Variants in MTMR14 observed in about 807,000 individuals in gnomAD.
MTMR14 encodes the protein phosphatidylinositol-3,5-bisphosphate 3-phosphatase MTMR14.
In MTMR14, 48 loss-of-function variants were observed where a neutral mutation model predicts 86.3. The observed-to-expected ratio is 0.56, with a 90% confidence interval of 0.44 to 0.71. MTMR14 has a LOEUF of 0.71. MTMR14 is among the 30% of genes least tolerant of loss of function. The pLI is 0.00. For missense variants in MTMR14, 780 were observed against 834.6 expected, an observed-to-expected ratio of 0.93 and a Z score of 0.81; for synonymous variants, 366 against 326.1, an observed-to-expected ratio of 1.12 and a Z score of -1.32.
intron 17 of MTMR14, 47 bp downstream of exon 17, chr3:9,690,190 C>T (rs759307689): frequency 1.2e-6 from 2 of 1,603,154 alleles, no homozygotes; most frequent in South Asian, 2.2e-5. Flanking sequence ...TAGCTTTCCC[C>T]CTTAATAAGA....
chr3:9,684,516 T>C (rs2075870993), intron 10 of MTMR14, 69 bp from the exon 11 acceptor site: 1 of 1,494,046 alleles, frequency 6.7e-7, no homozygotes, highest in African/African-American at 1.4e-5. Context: ...GCCAAGCTGG[T>C]GGTACTTCCT....
At chr3:9,688,208 G>A (rs1438816778) in intron 14 of MTMR14, among the ~76,000 whole-genome samples, 1 of 152,212 alleles carries the variant, frequency 6.6e-6, no homozygotes, top group African/African-American at 2.4e-5. Context: ...CCAGGAGTAG[G>A]AGGACTCTTA....
At chr3:9,692,396 G>A (rs1432676816) in intron 17 of MTMR14, among the ~76,000 whole-genome samples, 1 of 152,246 alleles carries the variant, frequency 6.6e-6, no homozygotes, top group Admixed American at 6.5e-5. Context: ...TTACTGGCAA[G>A]CCCAGTGGTT....
At position 9,697,979 on chromosome 3, in the gene MTMR14, C is replaced by A. The variant is rs150104581; in HGVS notation, c.1769+113C>A. ...TGGCGCTCAGGAGCTGGCCTGGCCT[C>A]CTGCCCTCCCCTCTCTCAGCTGCTG... On this transcript the variant is annotated intron_variant, in intron 18 of 18. Coordinates refer to ENST00000296003, the MANE Select transcript of MTMR14 (RefSeq NM_001077525.3). 68 of 1,426,428 alleles carry A rather than the reference C, an allele frequency of 4.8e-5. No individual in the cohort carries two copies. The East Asian group carries it at 1.5e-3, about 31-fold the overall frequency. 88.4% of individuals were successfully genotyped at this position (1,426,428 alleles called of 1,614,324 possible).
chr3:9,662,909 G>C (rs1416990634), intron 3 of MTMR14, among the ~76,000 whole-genome samples: 1 of 152,154 alleles, frequency 6.6e-6, no homozygotes, highest in Non-Finnish European at 1.5e-5. Context: ...CCCCAGTTTG[G>C]TTTCATTTTT....
chr3:9,691,350 C>T (rs1223373893), intron 17 of MTMR14, among the ~76,000 whole-genome samples: 1 of 152,238 alleles, frequency 6.6e-6, no homozygotes. Flanking sequence ...CCCGTCCCAT[C>T]CTGTGTGTGC....
At position 9,664,152 on chromosome 3, in the gene MTMR14, G is replaced by A. The variant is rs2048114390; in HGVS notation, c.417+1777G>A. 2.0e-5 allele frequency among the ~76,000 whole-genome samples: 3 copies of A among 151,626 alleles called. No homozygotes were observed. The South Asian group carries it at 6.3e-4, about 32-fold the overall frequency. On this transcript the variant is annotated intron_variant, in intron 3 of 18. Transcript: ENST00000296003. ...AGCGCTTGTCATTAGAGGTTGCACG[G>A]GAGATACTCCAACCAGTGTTTCCAT...
At chr3:9,652,181 TC>T (rs2047340438) in intron 1 of MTMR14, among the ~76,000 whole-genome samples, 1 of 152,016 alleles carries the variant, frequency 6.6e-6, no homozygotes, top group Admixed American at 6.6e-5. Context: ...GCCAGGCTGG[TC>T]TCAAGCTCCT....
chr3:9,670,648 A>G (rs964473838), intron 5 of MTMR14, among the ~76,000 whole-genome samples: 3 of 152,144 alleles, frequency 2.0e-5, no homozygotes, highest in Admixed American at 1.3e-4. Flanking sequence ...GTGGCTAAAA[A>G]TGATCATAAA....
intron 18 of MTMR14, among the ~76,000 whole-genome samples, chr3:9,699,053 T>C (rs1254535055): frequency 1.3e-5 from 2 of 151,200 alleles, no homozygotes; most frequent in African/African-American, 4.9e-5. Context: ...CTATTAGTAA[T>C]CCCAGCTACT....
intron 2 of MTMR14, among the ~76,000 whole-genome samples, chr3:9,654,068 G>A (rs2047461527): frequency 6.6e-6 from 1 of 152,156 alleles, no homozygotes; most frequent in South Asian, 2.1e-4. Flanking sequence ...TTTTTAGAGA[G>A]TGTGAGTGGG....
At chr3:9,698,754 C>A (rs2076360634) in intron 18 of MTMR14, among the ~76,000 whole-genome samples, 1 of 152,154 alleles carries the variant, frequency 6.6e-6, no homozygotes, top group Admixed American at 6.5e-5. Flanking sequence ...TGGCACAGGT[C>A]CTGGCTCTGC....
intron 13 of MTMR14, among the ~76,000 whole-genome samples, chr3:9,686,427 T>C (rs2075956192): frequency 6.6e-6 from 1 of 152,134 alleles, no homozygotes; most frequent in South Asian, 2.1e-4. Flanking sequence ...CCTTGGCATC[T>C]CTCCATGTAG....
chr3:9,664,808 A>G (rs576013208), intron 3 of MTMR14, among the ~76,000 whole-genome samples: 12 of 152,338 alleles, frequency 7.9e-5, no homozygotes, highest in African/African-American at 2.6e-4. Context: ...GGGTGCAAAA[A>G]TATAGTTAGA....
rs202119468 is a variant in MTMR14 at position 9,697,696 on chromosome 3, T to C, written c.1614-15T>C. 5 of 1,612,252 alleles carry C rather than the reference T, an allele frequency of 3.1e-6. No individual in the cohort carries two copies. In the East Asian group the frequency reaches 8.9e-5, roughly 29 times the overall value. ...CTGACTGCATCCTCTCCCCTCTCTC[T>C]CCTCTCTGCCCCAGATCAGTGGACC... On this transcript the variant is annotated splice_polypyrimidine_tract_variant and intron_variant, in intron 17 of 18. Transcript: ENST00000296003.
intron 3 of MTMR14, among the ~76,000 whole-genome samples, chr3:9,663,344 C>CT (rs2048046674): frequency 1.3e-5 from 2 of 151,770 alleles, no homozygotes; most frequent in African/African-American, 4.8e-5. Context: ...AAGGGAGACT[C>CT]TGCCAAAAGC....
Position 9,669,463 on chromosome 3 carries a change from G to A in MTMR14, c.525G>A (p.Glu175=), listed in dbSNP as rs961168623. ...GGADDAWADV[E]DVTEEDCALR... is the part of the protein sequence containing the mutation. ...CAGATGATGCCTGGGCAGATGTGGA[G>A]GACGTCACGGAGGAGGACTGTGCTC... Residue 175 remains glutamate (E), a synonymous_variant, in exon 5 of 19, where the codon GAG becomes GAA. Transcript: ENST00000296003. The A allele has an allele frequency of 6.2e-7, 1 of 1,613,908 alleles. No individual in the cohort carries two copies. The highest frequency in any genetic ancestry group is 8.5e-7 in the Non-Finnish European group (1 of 1,179,850).
chr3:9,655,618 G>A lies in MTMR14; in HGVS notation c.308+1849G>A, dbSNP rs565146671. Among the ~76,000 whole-genome samples, 9 of 150,528 alleles carry A rather than the reference G, an allele frequency of 6.0e-5. No homozygotes were observed. In the East Asian group the frequency reaches 8.4e-4, roughly 14 times the overall value. ...TGGGATTACAGGCGCCCGCCACCAC[G>A]CCCAGCTACTTTTTTTGTATTTTTA... On this transcript the variant is annotated intron_variant, in intron 2 of 18. Coordinates refer to ENST00000296003, the MANE Select transcript of MTMR14 (RefSeq NM_001077525.3).
intron 1 of MTMR14, chr3:9,650,246 G>A (rs920898600): frequency 4.0e-5 from 18 of 450,820 alleles, no homozygotes; most frequent in African/African-American, 3.4e-4. Flanking sequence ...AGAGCAGGAA[G>A]ACAACCCACA....
Sources: allele counts gnomAD v4.1 joint callset (sites outside exome capture counted in the v4.1 genomes callset), GRCh38; gene constraint gnomAD v4.1.1; transcripts MANE v1.5; gene names NCBI Gene and HGNC (gene_info 2026-07-23, HGNC 2026-07-21).